NOL4L: variants seen among roughly 807,000 people sequenced by gnomAD.
NOL4L encodes nucleolar protein 4 like, also known as nucleolar protein 4-like.
NOL4L carries 7 observed loss-of-function variants against 64.5 expected under a neutral mutation model. That is an observed-to-expected ratio of 0.11 (90% CI 0.06 to 0.20). NOL4L has a LOEUF of 0.20. NOL4L is among the 10% of genes least tolerant of loss of function. The probability of loss-of-function intolerance (pLI) is 1.00; values close to 1 mark genes in which losing one functional copy is unlikely to be tolerated. For missense variants in NOL4L, 680 were observed against 967.1 expected (o/e 0.70, Z 3.94); for synonymous variants, 413 against 401.0 (o/e 1.03, Z -0.36).
chr20:32,524,484 T>C (rs2018056411), intron 2 of NOL4L, among the ~76,000 whole-genome samples: 2 of 152,152 alleles, frequency 1.3e-5, no homozygotes, highest in African/African-American at 4.8e-5. Context: ...TTTAGTGCAC[T>C]GAAAAAGTCT....
chr20:32,496,421 C>T (rs890090077), intron 4 of NOL4L, among the ~76,000 whole-genome samples: 1 of 152,154 alleles, frequency 6.6e-6, no homozygotes, highest in African/African-American at 2.4e-5. Flanking sequence ...CATCTCCAGG[C>T]CTGTGAGCTC....
At chr20:32,563,480 C>T (rs553501382) in intron 1 of NOL4L, among the ~76,000 whole-genome samples, 9 of 152,080 alleles carry the variant, frequency 5.9e-5, no homozygotes, top group African/African-American at 2.2e-4. Context: ...TGCCTAAGGG[C>T]CTGAGGCCTA....
At chr20:32,563,746 T>G (rs1203727902) in intron 1 of NOL4L, among the ~76,000 whole-genome samples, 1 of 152,088 alleles carries the variant, frequency 6.6e-6, no homozygotes, top group Non-Finnish European at 1.5e-5. Context: ...TTATGTAAGG[T>G]CACACAGCTG....
chr20:32,524,585 T>C (rs918895286), intron 2 of NOL4L, among the ~76,000 whole-genome samples: 1 of 152,172 alleles, frequency 6.6e-6, no homozygotes, highest in Non-Finnish European at 1.5e-5. Context: ...TGTCAGGCAG[T>C]CTGAGGATTC....
At chr20:32,452,498 C>G (rs1182614011) in intron 9 of NOL4L, 61 bp from the exon 10 acceptor site, 5 of 1,418,230 alleles carry the variant, frequency 3.5e-6, no homozygotes, top group Non-Finnish European at 4.8e-6. Flanking sequence ...AACTACCATC[C>G]CTGGACACAA....
At chr20:32,570,480 C>T (rs1281437129) in intron 1 of NOL4L, among the ~76,000 whole-genome samples, 1 of 152,206 alleles carries the variant, frequency 6.6e-6, no homozygotes. Flanking sequence ...TCTTCTGGGG[C>T]CTGGCCAAGG....
chr20:32,502,314 C>T (rs1014237008), intron 4 of NOL4L, among the ~76,000 whole-genome samples: 20 of 152,178 alleles, frequency 1.3e-4, no homozygotes, highest in South Asian at 6.2e-4. Flanking sequence ...TTCTAGAGGC[C>T]GGGTGTGGTG....
intron 4 of NOL4L, among the ~76,000 whole-genome samples, chr20:32,509,576 G>A (rs2017299836): frequency 6.7e-6 from 1 of 149,538 alleles, no homozygotes; most frequent in Admixed American, 6.7e-5. Context: ...TGCTGTTTCT[G>A]TAAATCCTCA....
chr20:32,548,733 G>GTA (rs1229252266), intron 1 of NOL4L: 3 of 388,464 alleles, frequency 7.7e-6, no homozygotes, highest in African/African-American at 6.4e-5. Flanking sequence ...CAACTCCTTG[G>GTA]TATAAACTCG....
chr20:32,496,909 G>A (rs1383237239), intron 4 of NOL4L, among the ~76,000 whole-genome samples: 1 of 151,962 alleles, frequency 6.6e-6, no homozygotes, highest in Non-Finnish European at 1.5e-5. Context: ...GGGTCTGGTC[G>A]GCCGTGAGCA....
intron 2 of NOL4L, among the ~76,000 whole-genome samples, chr20:32,522,988 G>T (rs1843377751): frequency 6.6e-6 from 1 of 152,152 alleles, no homozygotes. Flanking sequence ...GGTCCTCCTG[G>T]CCTGGCTGCT....
intron 3 of NOL4L, among the ~76,000 whole-genome samples, chr20:32,512,820 C>T (rs140672937): frequency 2.6e-5 from 4 of 152,310 alleles, no homozygotes; most frequent in East Asian, 1.9e-4. Context: ...CATTCTCTAA[C>T]GATTGGCTAT....
At chr20:32,508,223 C>A (rs2017214466) in intron 4 of NOL4L, among the ~76,000 whole-genome samples, 2 of 152,184 alleles carry the variant, frequency 1.3e-5, no homozygotes, top group Admixed American at 1.3e-4. Flanking sequence ...ACCTGTCCTG[C>A]GGCTGTGTTT....
At chr20:32,531,892 A>G (rs1343956363) in intron 1 of NOL4L, among the ~76,000 whole-genome samples, 2 of 152,180 alleles carry the variant, frequency 1.3e-5, no homozygotes, top group African/African-American at 4.8e-5. Context: ...TGTCCCCCTC[A>G]GTAACACCCA....
intron 4 of NOL4L, among the ~76,000 whole-genome samples, chr20:32,487,229 T>C (rs2016126893): frequency 6.6e-6 from 1 of 152,050 alleles, no homozygotes; most frequent in African/African-American, 2.4e-5. Flanking sequence ...GATCATACCG[T>C]TGCACTCCAG....
At chr20:32,568,386 C>T (rs1041023923) in intron 1 of NOL4L, among the ~76,000 whole-genome samples, 2 of 152,024 alleles carry the variant, frequency 1.3e-5, no homozygotes, top group Admixed American at 6.5e-5. Context: ...TCAGATTCAC[C>T]CCTCCAGCCC....
At chr20:32,521,600 C>T (rs1307981628) in intron 2 of NOL4L, among the ~76,000 whole-genome samples, 3 of 152,148 alleles carry the variant, frequency 2.0e-5, no homozygotes, top group African/African-American at 7.2e-5. Flanking sequence ...AGAAGGCCTC[C>T]CCTAGTTGAG....
chr20:32,523,397 C>T (rs2018013534), intron 2 of NOL4L, among the ~76,000 whole-genome samples: 2 of 152,168 alleles, frequency 1.3e-5, no homozygotes, highest in African/African-American at 4.8e-5. Context: ...GGATGACAAA[C>T]CCTCCCCCTG....
chr20:32,555,063 G>A (rs929250121), intron 1 of NOL4L, among the ~76,000 whole-genome samples: 1 of 152,140 alleles, frequency 6.6e-6, no homozygotes, highest in African/African-American at 2.4e-5. Flanking sequence ...CCTGTACCCT[G>A]ACCATGCTGG....
Sources: gnomAD v4.1 joint callset for allele counts (sites outside exome capture counted in the v4.1 genomes callset) on GRCh38, gnomAD v4.1.1 for gene constraint, MANE v1.5 for transcripts, NCBI Gene and HGNC (gene_info 2026-07-23, HGNC 2026-07-21) for gene names.